TAB2: variants seen among roughly 807,000 people sequenced by gnomAD.
The protein encoded by TAB2 is TGF-beta activated kinase 1 (MAP3K7) binding protein 2, also known as TGF-beta-activated kinase 1 and MAP3K7-binding protein 2.
A neutral mutation model predicts 65.0 loss-of-function variants in TAB2; 3 were observed. The observed-to-expected ratio is 0.05, with a 90% confidence interval of 0.02 to 0.12. TAB2 has a LOEUF of 0.12. Ranked by LOEUF, TAB2 falls within the 10% of genes least tolerant of loss-of-function variation. TAB2 has a pLI of 1.00. For synonymous variants in TAB2, 298 were observed against 285.1 expected (o/e 1.05, Z -0.46); for missense variants, 623 against 840.3 (o/e 0.74, Z 3.20).
intron 1 of TAB2, among the ~76,000 whole-genome samples, chr6:149,337,622 A>G (rs1416525276): frequency 6.6e-6 from 1 of 152,260 alleles, no homozygotes; most frequent in Admixed American, 6.5e-5. Flanking sequence ...ATTGTAGATA[A>G]ACTGTTTAAA....
chr6:149,383,347 T>C (rs1781681555), intron 3 of TAB2, among the ~76,000 whole-genome samples: 1 of 152,188 alleles, frequency 6.6e-6, no homozygotes, highest in African/African-American at 2.4e-5. Context: ...AATCTGCCCC[T>C]CAAATTGCTT....
chr6:149,264,781 A>T (rs920741960), intron 1 of TAB2, among the ~76,000 whole-genome samples: 2 of 152,262 alleles, frequency 1.3e-5, no homozygotes, highest in Admixed American at 1.3e-4. Context: ...CACCTGCCCC[A>T]TTATGCAGCA....
chr6:149,296,664 C>T (rs533694), intron 1 of TAB2, among the ~76,000 whole-genome samples: 78,596 of 152,072 alleles, frequency 0.52, 23,074 homozygotes, highest in African/African-American at 0.82. Context: ...GGTGTTAGTT[C>T]AGAGGAAAGG....
chr6:149,318,258 T>C (rs1332280310), intron 1 of TAB2, among the ~76,000 whole-genome samples: 1 of 135,178 alleles, frequency 7.4e-6, no homozygotes. Context: ...GGGCCTGGGC[T>C]CCGGGGCGTC....
At chr6:149,294,811 C>G (rs1778846382) in intron 1 of TAB2, among the ~76,000 whole-genome samples, 1 of 152,120 alleles carries the variant, frequency 6.6e-6, no homozygotes, top group Admixed American at 6.6e-5. Flanking sequence ...TCCCACTGGC[C>G]AGCTTTGTGA....
intron 1 of TAB2, among the ~76,000 whole-genome samples, chr6:149,236,292 T>C (rs1475523524): frequency 1.3e-5 from 2 of 152,208 alleles, no homozygotes; most frequent in Non-Finnish European, 2.9e-5. Flanking sequence ...TCATTTGAGG[T>C]ATTCAAGCGT....
intron 1 of TAB2, among the ~76,000 whole-genome samples, chr6:149,284,949 C>T (rs972315522): frequency 3.3e-5 from 5 of 152,148 alleles, no homozygotes; most frequent in Non-Finnish European, 5.9e-5. Flanking sequence ...CCAGCAGCCT[C>T]GAGGATGACA....
chr6:149,227,066 C>A (rs1777295308), intron 1 of TAB2, among the ~76,000 whole-genome samples: 1 of 152,080 alleles, frequency 6.6e-6, no homozygotes, highest in South Asian at 2.1e-4. Flanking sequence ...AGAAAAAAAA[C>A]CTGGTGAAAC....
intron 1 of TAB2, among the ~76,000 whole-genome samples, chr6:149,297,068 C>G (rs923467151): frequency 1.3e-5 from 2 of 152,010 alleles, no homozygotes; most frequent in African/African-American, 4.8e-5. Flanking sequence ...CTATCTCTCT[C>G]TCTCTCTTTC....
intron 1 of TAB2, among the ~76,000 whole-genome samples, chr6:149,234,627 T>C (rs1449859041): frequency 6.6e-6 from 1 of 152,180 alleles, no homozygotes; most frequent in African/African-American, 2.4e-5. Flanking sequence ...CCCAGGGAGC[T>C]GCTTATTCAT....
intron 1 of TAB2, among the ~76,000 whole-genome samples, chr6:149,242,450 G>A (rs546477250): frequency 3.4e-4 from 51 of 152,144 alleles, no homozygotes; most frequent in Non-Finnish European, 6.6e-4. Flanking sequence ...GTTAGTAGGT[G>A]TTATTATAGA....
At chr6:149,347,223 G>A (rs547400852) in intron 1 of TAB2, 5 of 152,282 alleles carry the variant, frequency 3.3e-5, no homozygotes, top group South Asian at 2.1e-4. Flanking sequence ...AAGTGTGGCC[G>A]ACTTGCACAT....
intron 6 of TAB2, chr6:149,400,330 G>T: frequency 6.4e-7 from 1 of 1,558,392 alleles, no homozygotes; most frequent in South Asian, 1.2e-5. Context: ...TCGTGTACTC[G>T]TTAGGTGCGG....
At chr6:149,288,223 C>A (rs761495037) in intron 1 of TAB2, among the ~76,000 whole-genome samples, 1 of 152,192 alleles carries the variant, frequency 6.6e-6, no homozygotes, top group Non-Finnish European at 1.5e-5. Context: ...TTGTGTCACT[C>A]AGTCCCCACA....
chr6:149,361,178 C>G lies in TAB2; in HGVS notation c.-89-8731C>G, dbSNP rs369136038. Among the ~76,000 whole-genome samples, 23 of 152,226 alleles carry G rather than the reference C, an allele frequency of 1.5e-4. No individual in the cohort carries two copies. In the East Asian group the frequency reaches 1.5e-3, roughly 10 times the overall value. On this transcript the variant is annotated intron_variant, in intron 1 of 6. Transcript: ENST00000637181. Reference sequence around the variant, plus strand: ...GGAGACTCTGTGGGGCCTCCAACTCCACATTTTCCCTCCCTACAGCCCTAG... The same window carrying G: ...GGAGACTCTGTGGGGCCTCCAACTCGACATTTTCCCTCCCTACAGCCCTAG...
At chr6:149,386,697 GT>G (rs1781819726) in intron 3 of TAB2, among the ~76,000 whole-genome samples, 1 of 152,090 alleles carries the variant, frequency 6.6e-6, no homozygotes, top group Admixed American at 6.6e-5. Flanking sequence ...CAGTGGAATT[GT>G]TGCCATACTG....
intron 6 of TAB2, among the ~76,000 whole-genome samples, chr6:149,406,875 G>A (rs1289260059): frequency 2.6e-5 from 4 of 152,016 alleles, no homozygotes; most frequent in South Asian, 2.1e-4. Flanking sequence ...GCGCCACCAC[G>A]CCCAGCTAAT....
chr6:149,258,872 T>C (rs1315683127), intron 1 of TAB2, among the ~76,000 whole-genome samples: 1 of 152,252 alleles, frequency 6.6e-6, no homozygotes, highest in Non-Finnish European at 1.5e-5. Context: ...TGGATGATTC[T>C]GGACCAGTGT....
intron 1 of TAB2, among the ~76,000 whole-genome samples, chr6:149,268,210 A>G (rs1778298328): frequency 6.6e-6 from 1 of 152,114 alleles, no homozygotes; most frequent in African/African-American, 2.4e-5. Flanking sequence ...CTAAGGGCCC[A>G]GGCTCCTTCT....
Sources: allele counts gnomAD v4.1 joint callset (sites outside exome capture counted in the v4.1 genomes callset), GRCh38; gene constraint gnomAD v4.1.1; transcripts MANE v1.5; gene names NCBI Gene and HGNC (gene_info 2026-07-23, HGNC 2026-07-21).